The following GABPA variants were observed in gnomAD, a reference collection of about 807,000 sequenced individuals.
GABPA encodes the protein GA-binding protein alpha chain.
A neutral mutation model predicts 59.4 loss-of-function variants in GABPA; 4 were observed. That is an observed-to-expected ratio of 0.07 (90% CI 0.03 to 0.15). The LOEUF (loss-of-function observed/expected upper bound fraction) is 0.15, where lower values mean the gene tolerates loss of function less well. Among genes scored for constraint, GABPA ranks in the 10% least tolerant of loss-of-function variants. The pLI is 1.00. For missense variants in GABPA, 251 were observed against 543.8 expected, an observed-to-expected ratio of 0.46 and a Z score of 5.36; for synonymous variants, 164 against 183.1, an observed-to-expected ratio of 0.90 and a Z score of 0.84.
At chr21:25,749,757 G>A (rs559217251) in intron 4 of GABPA, among the ~76,000 whole-genome samples, 1 of 152,346 alleles carries the variant, frequency 6.6e-6, no homozygotes, top group South Asian at 2.1e-4. Flanking sequence ...CTTGAACCCA[G>A]GAAGTGGAGG....
chr21:25,767,159 GTTTACC>G (rs1248906073), intron 9 of GABPA, among the ~76,000 whole-genome samples: 3 of 151,886 alleles, frequency 2.0e-5, no homozygotes, highest in Non-Finnish European at 4.4e-5. Flanking sequence ...ACAGGCTTGT[GTTTACC>G]TTTTAGAGCC....
intron 2 of GABPA, 22 bp downstream of exon 2, chr21:25,741,697 A>ATT: frequency 6.5e-7 from 1 of 1,531,768 alleles, no homozygotes; most frequent in Non-Finnish European, 9.0e-7. Context: ...TGAATTTATC[A>ATT]TTTTTTTTCA....
chr21:25,752,275 A>G, intron 5 of GABPA, 41 bp downstream of exon 5: 1 of 1,593,204 alleles, frequency 6.3e-7, no homozygotes, highest in Non-Finnish European at 8.6e-7. Context: ...GAATAATAGG[A>G]ATTAAGCTTG....
intron 2 of GABPA, among the ~76,000 whole-genome samples, chr21:25,743,983 G>A (rs796144463): frequency 3.5e-5 from 5 of 143,722 alleles, no homozygotes; most frequent in African/African-American, 1.3e-4. Context: ...GGCGGAGGTT[G>A]TAGTGAGCCA....
At chr21:25,744,064 C>T (rs1453808755) in intron 2 of GABPA, among the ~76,000 whole-genome samples, 1 of 110,764 alleles carries the variant, frequency 9.0e-6, no homozygotes. Flanking sequence ...AAAAAAAAAA[C>T]CTACCAGGCT....
chr21:25,734,977 G>C lies in GABPA; in HGVS notation c.-628G>C. ...GCATTATGGGCCGCCGTTTCAGTCG[G>C]TCGACGCTCACCGGACAGGAAGCGT... On this transcript the variant is annotated 5_prime_UTR_variant, in exon 1 of 10. Transcript: ENST00000400075. 6.4e-7 allele frequency: 1 copy of C among 1,562,652 alleles called. No homozygotes were observed. The highest frequency in any genetic ancestry group is 1.7e-4 in the Middle Eastern group (1 of 6,016).
chr21:25,745,128 G>A, intron 2 of GABPA, 82 bp from the exon 3 acceptor site: 2 of 1,462,534 alleles, frequency 1.4e-6, no homozygotes, highest in Non-Finnish European at 1.9e-6. Context: ...GTTTTGGTTT[G>A]GGATTGTGTT....
At chr21:25,742,884 C>T (rs975982636) in intron 2 of GABPA, among the ~76,000 whole-genome samples, 1 of 150,556 alleles carries the variant, frequency 6.6e-6, no homozygotes, top group African/African-American at 2.4e-5. Context: ...ATTGTGCCAT[C>T]GTTGTGCCAT....
chr21:25,768,992 C>A lies in GABPA; in HGVS notation c.1137-12C>A. ...TTTCTGAAGTCTCTAATTTTTTTTT[C>A]TCTTTTTGAAGATATTATTACGATG... On this transcript the variant is annotated splice_polypyrimidine_tract_variant and intron_variant, in intron 9 of 9. Coordinates refer to ENST00000400075, the MANE Select transcript of GABPA (RefSeq NM_002040.4). 1.3e-6 allele frequency: 2 copies of A among 1,548,592 alleles called. No individual in the cohort carries two copies. Among genetic ancestry groups the A allele is most frequent in the South Asian group, 1.2e-5 (1 of 84,374 alleles).
chr21:25,763,716 G>C (rs2035820059), intron 7 of GABPA, among the ~76,000 whole-genome samples: 1 of 151,958 alleles, frequency 6.6e-6, no homozygotes, highest in Non-Finnish European at 1.5e-5. Flanking sequence ...CATTTTCACT[G>C]CTGTATCTTT....
At chr21:25,739,142 G>C (rs572469936) in intron 1 of GABPA, among the ~76,000 whole-genome samples, 1 of 152,368 alleles carries the variant, frequency 6.6e-6, no homozygotes, top group South Asian at 2.1e-4. Flanking sequence ...GGGCAAGCCT[G>C]AGAGCAACCT....
At chr21:25,739,809 G>C (rs546398973) in intron 1 of GABPA, among the ~76,000 whole-genome samples, 37 of 152,220 alleles carry the variant, frequency 2.4e-4, no homozygotes, top group South Asian at 1.9e-3. Context: ...TAGGAGACAG[G>C]TTCTTTTTAT....
At chr21:25,747,772 C>T (rs977615577) in intron 3 of GABPA, among the ~76,000 whole-genome samples, 1 of 152,046 alleles carries the variant, frequency 6.6e-6, no homozygotes, top group East Asian at 1.9e-4. Flanking sequence ...TTACATTTGC[C>T]ATAGCTTCTA....
At chr21:25,741,946 T>C (rs2035232110) in intron 2 of GABPA, among the ~76,000 whole-genome samples, 1 of 152,236 alleles carries the variant, frequency 6.6e-6, no homozygotes, top group Non-Finnish European at 1.5e-5. Context: ...TTTATTCTTT[T>C]CCTCAGCACT....
intron 1 of GABPA, among the ~76,000 whole-genome samples, chr21:25,736,052 CATTT>C (rs2035047803): frequency 6.6e-6 from 1 of 152,124 alleles, no homozygotes; most frequent in Non-Finnish European, 1.5e-5. Context: ...ACACCAGAAT[CATTT>C]ATCAGCGTAT....
chr21:25,763,772 T>G (rs974132436), intron 7 of GABPA, among the ~76,000 whole-genome samples: 3 of 152,170 alleles, frequency 2.0e-5, no homozygotes, highest in Admixed American at 2.0e-4. Context: ...TAAGAACATG[T>G]GTGAGATGTT....
At chr21:25,757,976 G>T in intron 5 of GABPA, 34 bp from the exon 6 acceptor site, 4 of 1,321,472 alleles carry the variant, frequency 3.0e-6, no homozygotes, top group Non-Finnish European at 4.1e-6. Flanking sequence ...TATCTAAAAT[G>T]GAACTAGGCT....
chr21:25,740,690 C>T (rs1054511243), intron 1 of GABPA, among the ~76,000 whole-genome samples: 1 of 152,006 alleles, frequency 6.6e-6, no homozygotes, highest in African/African-American at 2.4e-5. Flanking sequence ...AAAATAAAAC[C>T]ACCTCTGAAA....
At chr21:25,760,516 C>T (rs2035740083) in intron 6 of GABPA, among the ~76,000 whole-genome samples, 1 of 151,888 alleles carries the variant, frequency 6.6e-6, no homozygotes, top group South Asian at 2.1e-4. Context: ...GCCTGCAGTC[C>T]CCCCTATGTT....
Sources: allele counts gnomAD v4.1 joint callset (sites outside exome capture counted in the v4.1 genomes callset), GRCh38; gene constraint gnomAD v4.1.1; transcripts MANE v1.5; gene names NCBI Gene and HGNC (gene_info 2026-07-23, HGNC 2026-07-21).